Variants in DPY19L1 observed in about 807,000 individuals in gnomAD.
DPY19L1 encodes protein C-mannosyl-transferase DPY19L1.
Under a neutral mutation model 96.9 loss-of-function variants are expected in DPY19L1, and 35 were observed. The ratio of observed to expected loss-of-function variants is 0.36; its 90% CI spans 0.28 to 0.48. The LOEUF is 0.48. DPY19L1 is among the 20% of genes least tolerant of loss of function. DPY19L1 has a pLI of 0.99. For missense variants in DPY19L1, 521 were observed against 777.9 expected (o/e 0.67, Z 3.93); for synonymous variants, 205 against 252.6 (o/e 0.81, Z 1.79).
rs202186451 is a variant in DPY19L1, at chr7:34,959,442, T to A, written c.1093-1372A>T. On this transcript the variant is annotated intron_variant, in intron 10 of 21. Coordinates refer to ENST00000638088, the MANE Select transcript of DPY19L1 (RefSeq NM_001366673.1). Reference sequence around the variant, plus strand: ...ATGTTTATTGCAGCACTGTTCACAATAGCAAAGACTTGGAACAAACCCAAA... The same window carrying A: ...ATGTTTATTGCAGCACTGTTCACAAAAGCAAAGACTTGGAACAAACCCAAA... Among the ~76,000 whole-genome samples the A allele has an allele frequency of 2.6e-5, 4 of 152,236 alleles. No individual in the cohort carries two copies. The East Asian group carries it at 7.7e-4, about 29-fold the overall frequency.
intron 6 of DPY19L1, among the ~76,000 whole-genome samples, chr7:35,008,570 G>T (rs1333733853): frequency 6.6e-6 from 1 of 152,218 alleles, no homozygotes; most frequent in East Asian, 1.9e-4. Context: ...GCACACACTT[G>T]TAGTTCCAGC....
intron 9 of DPY19L1, among the ~76,000 whole-genome samples, chr7:34,968,020 T>C (rs1315187139): frequency 6.6e-6 from 1 of 152,086 alleles, no homozygotes; most frequent in African/African-American, 2.4e-5. Context: ...GTCTCCACTA[T>C]CAGGAAGCAA....
chr7:34,933,191 T>C (rs1783792264), intron 21 of DPY19L1, among the ~76,000 whole-genome samples: 1 of 152,318 alleles, frequency 6.6e-6, no homozygotes, highest in African/African-American at 2.4e-5. Flanking sequence ...GGTTTTTGGT[T>C]ACACGGATAA....
At chr7:35,028,450 A>G (rs895288084) in intron 1 of DPY19L1, among the ~76,000 whole-genome samples, 3 of 152,266 alleles carry the variant, frequency 2.0e-5, no homozygotes, top group Non-Finnish European at 4.4e-5. Flanking sequence ...AAATATGTAT[A>G]TATGTACAGA....
rs9969369 is a variant in DPY19L1, at chr7:34,994,305, G to C, written c.765-4364C>G. Among the ~76,000 whole-genome samples, 990 of 152,114 alleles carry C rather than the reference G, an allele frequency of 6.5e-3. 11 individuals are homozygous for C. Among genetic ancestry groups the C allele is most frequent in the African/African-American group, 0.023 (942 of 41,464 alleles). On this transcript the variant is annotated intron_variant, in intron 6 of 21. Transcript: ENST00000638088. ...TTTTCTTATGTCACTGGAACATCTA[G>C]TTGCAAAGGCACCTCATTCTCTGAT...
rs1481913988 is a variant in DPY19L1, at chr7:34,955,373, T to G, written c.1180-6A>C. 1 of 1,605,970 alleles carries G rather than the reference T, an allele frequency of 6.2e-7. No individual in the cohort carries two copies. The highest frequency in any genetic ancestry group is 1.3e-5 in the African/African-American group (1 of 74,404). Reference sequence around the variant, plus strand: ...GGTTTCATTGCCAGAATACCCTGAGTAGAGAAAAATAACATAGTATACACA... The same window carrying G: ...GGTTTCATTGCCAGAATACCCTGAGGAGAGAAAAATAACATAGTATACACA... On this transcript the variant is annotated splice_region_variant and splice_polypyrimidine_tract_variant and intron_variant, in intron 11 of 21. Coordinates refer to ENST00000638088, the MANE Select transcript of DPY19L1 (RefSeq NM_001366673.1).
chr7:35,017,117 T>C (rs1309884069), intron 3 of DPY19L1, among the ~76,000 whole-genome samples: 8 of 152,114 alleles, frequency 5.3e-5, no homozygotes, highest in African/African-American at 4.8e-5. Context: ...TTTTGTGCCA[T>C]AGTTAAAACA....
chr7:35,014,561 G>C (rs535323009), intron 3 of DPY19L1, among the ~76,000 whole-genome samples: 28 of 152,198 alleles, frequency 1.8e-4, no homozygotes, highest in Admixed American at 5.9e-4. Context: ...TTTAAACTGG[G>C]TTTAAGACTC....
At chr7:34,989,629 AAACAAC>A (rs1292137200) in intron 7 of DPY19L1, among the ~76,000 whole-genome samples, 2 of 126,596 alleles carry the variant, frequency 1.6e-5, no homozygotes, top group African/African-American at 2.9e-5. Context: ...TCAAAAACAA[AAACAAC>A]AACAACAACA....
Position 35,005,130 on chromosome 7 carries a change from C to T in DPY19L1, c.764+5338G>A, listed in dbSNP as rs182723736. Among the ~76,000 whole-genome samples, 595 of 152,174 alleles carry T rather than the reference C, an allele frequency of 3.9e-3. 3 individuals are homozygous for T. Among genetic ancestry groups the T allele is most frequent in the Non-Finnish European group, 5.3e-3 (361 of 68,012 alleles). On this transcript the variant is annotated intron_variant, in intron 6 of 21. Transcript: ENST00000638088. The stretch of plus-strand genomic sequence containing the variant: ...ACTTTTATAATTCTACCATATTTCT[C>T]TTATTTTAGGCAAAGGAATTTTTGT...
intron 8 of DPY19L1, among the ~76,000 whole-genome samples, chr7:34,972,008 G>T (rs532104308): frequency 6.6e-6 from 1 of 152,300 alleles, no homozygotes; most frequent in South Asian, 2.1e-4. Context: ...GTACTTAAAA[G>T]CAGAAGAGAG....
At chr7:34,984,805 A>C (rs61344073) in intron 7 of DPY19L1, among the ~76,000 whole-genome samples, 2 of 151,084 alleles carry the variant, frequency 1.3e-5, no homozygotes, top group East Asian at 3.9e-4. Flanking sequence ...GACCTACAGA[A>C]ATCTGCTCCC....
chr7:34,965,238 G>A (rs182422711), intron 10 of DPY19L1, among the ~76,000 whole-genome samples: 47 of 152,140 alleles, frequency 3.1e-4, no homozygotes, highest in Admixed American at 5.9e-4. Context: ...GGAGAGGAGA[G>A]AACCTAAATG....
intron 7 of DPY19L1, among the ~76,000 whole-genome samples, chr7:34,987,139 C>T (rs1785066827): frequency 6.6e-6 from 1 of 152,034 alleles, no homozygotes; most frequent in South Asian, 2.1e-4. Context: ...CCTGCACCAT[C>T]AACACATGTT....
intron 9 of DPY19L1, among the ~76,000 whole-genome samples, chr7:34,968,768 C>CA (rs35977506): frequency 0.47 from 4,208 of 8,868 alleles, 1,807 homozygotes; most frequent in Non-Finnish European, 0.63. Flanking sequence ...GACTCCATCG[C>CA]AAAAAAAAAA....
chr7:35,017,775 C>CATCT, intron 3 of DPY19L1, 107 bp downstream of exon 3: 1 of 743,784 alleles, frequency 1.3e-6, no homozygotes, highest in Non-Finnish European at 2.1e-6. Flanking sequence ...GAAGGTGGAG[C>CATCT]ATCTACTCTT....
At chr7:35,020,858 G>A (rs981188158) in intron 1 of DPY19L1, among the ~76,000 whole-genome samples, 6 of 152,034 alleles carry the variant, frequency 3.9e-5, no homozygotes, top group African/African-American at 1.4e-4. Context: ...ACAGGTAAAT[G>A]CCACCATGCC....
chr7:34,965,208 A>G (rs1262218759), intron 10 of DPY19L1, among the ~76,000 whole-genome samples: 5 of 152,210 alleles, frequency 3.3e-5, no homozygotes, highest in Non-Finnish European at 7.4e-5. Context: ...ATTATTTATA[A>G]CTAAAATAAG....
At chr7:35,022,782 A>G (rs1380619210) in intron 1 of DPY19L1, among the ~76,000 whole-genome samples, 2 of 142,630 alleles carry the variant, frequency 1.4e-5, no homozygotes, top group African/African-American at 2.4e-5. Context: ...ACACACGCAC[A>G]CACACACACA....
Sources: allele counts gnomAD v4.1 joint callset (sites outside exome capture counted in the v4.1 genomes callset), GRCh38; gene constraint gnomAD v4.1.1; transcripts MANE v1.5; gene names NCBI Gene and HGNC (gene_info 2026-07-23, HGNC 2026-07-21).